The following USP48 variants were observed in gnomAD, a reference collection of about 807,000 sequenced individuals.
USP48 encodes ubiquitin carboxyl-terminal hydrolase 48.
Under a neutral mutation model 150.7 loss-of-function variants are expected in USP48, and 43 were observed. That is an observed-to-expected ratio of 0.29 (90% CI 0.22 to 0.37). The LOEUF is 0.37. Ranked by LOEUF, USP48 falls within the 10% of genes least tolerant of loss-of-function variation. The probability of loss-of-function intolerance (pLI) is 1.00; values close to 1 mark genes in which losing one functional copy is unlikely to be tolerated. For missense variants in USP48, 813 were observed against 1,249.6 expected (o/e 0.65, Z 5.27); for synonymous variants, 396 against 425.9 (o/e 0.93, Z 0.86).
intron 5 of USP48, 131 bp downstream of exon 5, chr1:21,752,396 A>G: frequency 9.2e-7 from 1 of 1,081,226 alleles, no homozygotes; most frequent in East Asian, 2.7e-5. Context: ...ATGGAAATGT[A>G]TTACTATAAA....
rs910587881 is a variant in USP48, at chr1:21,756,994, A to G, written c.256-292T>C. Reference sequence around the variant, plus strand: ...ATTAGAACAGTGGATTCTAGAAAAGATCGGTTTTGAACAAGCGTATATAGG... The same window carrying G: ...ATTAGAACAGTGGATTCTAGAAAAGGTCGGTTTTGAACAAGCGTATATAGG... On this transcript the variant is annotated intron_variant, in intron 2 of 26. Coordinates refer to ENST00000308271, the MANE Select transcript of USP48 (RefSeq NM_032236.8). The G allele has an allele frequency of 2.5e-5, 25 of 985,260 alleles. No homozygotes were observed. The Admixed American group carries it at 5.5e-4, about 22-fold the overall frequency. The allele number at this position is 985,260 out of a possible 1,614,324, so 61.0% of individuals were successfully genotyped here. A position where few individuals can be genotyped will look rare whatever the true frequency, so the allele number is the denominator to read the frequency against.
chr1:21,757,324 G>A (rs2097839154), intron 2 of USP48: 1 of 174,004 alleles, frequency 5.7e-6, no homozygotes, highest in East Asian at 1.5e-4. Context: ...AGAAAGCAAA[G>A]TGCTATCATC....
Position 21,679,593 on chromosome 1 carries a change from A to G in USP48, c.3086-154T>C, listed in dbSNP as rs1372199167. On this transcript the variant is annotated intron_variant, in intron 26 of 26. Transcript: ENST00000308271. ...GTGTGGGAGGATAAGACAAAATACC[A>G]GCAGACTCCAGGCTCTCCGCTAAAT... Among the ~76,000 whole-genome samples the G allele has an allele frequency of 4.6e-5, 7 of 152,236 alleles. No homozygotes were observed. The East Asian group carries it at 9.6e-4, about 21-fold the overall frequency.
Position 21,706,863 on chromosome 1 carries a change from A to C in USP48, c.1969T>G (p.Leu657Val), listed in dbSNP as rs1465901168. 1.3e-6 allele frequency: 2 copies of C among 1,597,836 alleles called. No individual in the cohort carries two copies. Among genetic ancestry groups the C allele is most frequent in the Non-Finnish European group, 1.7e-6 (2 of 1,174,934 alleles). The change falls in exon 16 of 27, where the codon TTA becomes GTA. Residue 657 changes from leucine to valine, a missense_variant. Coordinates refer to ENST00000308271, the MANE Select transcript of USP48 (RefSeq NM_032236.8). ...CTTCTTTCATTTTCAGATATGCATA[A>C]CTCACCTGAGTTTAAAAAAATATAT... ...NEDILCPHGE[L>V]CISENERRLV...
chr1:21,728,776 C>A (rs2152554009), intron 10 of USP48, 57 bp from the exon 11 acceptor site: 2 of 1,574,820 alleles, frequency 1.3e-6, no homozygotes, highest in South Asian at 1.1e-5. Context: ...ATATAGTGAA[C>A]CATGCTAATC....
At chr1:21,690,530 T>G (rs183252196) in intron 23 of USP48, among the ~76,000 whole-genome samples, 2,867 of 146,400 alleles carry the variant, frequency 0.02, 36 homozygotes, top group Middle Eastern at 0.048. Flanking sequence ...TTCTTTTTTT[T>G]TTGTTGTTGT....
At chr1:21,771,807 T>TA (rs57434646) in intron 1 of USP48, among the ~76,000 whole-genome samples, 149,445 of 151,910 alleles carry the variant, frequency 0.98, 73,544 homozygotes, top group Non-Finnish European at 1. Flanking sequence ...TAATCCCAGC[T>TA]GTCAGGGGGA....
chr1:21,740,342 C>A (rs950680269), intron 8 of USP48, among the ~76,000 whole-genome samples: 1 of 152,216 alleles, frequency 6.6e-6, no homozygotes, highest in South Asian at 2.1e-4. Context: ...ATATATACCA[C>A]ATTTTCTTTG....
chr1:21,702,275 G>T (rs891695779), intron 21 of USP48, among the ~76,000 whole-genome samples: 1 of 152,058 alleles, frequency 6.6e-6, no homozygotes, highest in African/African-American at 2.4e-5. Context: ...TAAAAAATGT[G>T]TTTGGAAACA....
At chr1:21,772,512 A>G (rs979465847) in intron 1 of USP48, among the ~76,000 whole-genome samples, 6 of 151,594 alleles carry the variant, frequency 4.0e-5, no homozygotes, top group Non-Finnish European at 5.9e-5. Context: ...AGTCCCAGCT[A>G]CTTGGGAGGC....
Position 21,687,025 on chromosome 1 carries a change from C to A in USP48, c.3058+166G>T. ...TTTCCAAGTTTTTGTAGATATCTTT[C>A]CCTCCTTTCTATGATCTTTTAAGAT... On this transcript the variant is annotated intron_variant, in intron 25 of 26. Transcript: ENST00000308271. The A allele has an allele frequency of 4.6e-6, 3 of 656,218 alleles. No homozygotes were observed. The East Asian group carries it at 8.6e-5, about 19-fold the overall frequency. The allele number at this position is 656,218 out of a possible 1,614,324, so 40.6% of individuals were successfully genotyped here. A position where few individuals can be genotyped will look rare whatever the true frequency, so the allele number is the denominator to read the frequency against.
At chr1:21,709,116 T>C (rs570407723) in intron 15 of USP48, among the ~76,000 whole-genome samples, 1 of 151,758 alleles carries the variant, frequency 6.6e-6, no homozygotes, top group African/African-American at 2.4e-5. Context: ...GAACTTCTGG[T>C]TTTAAGCAAC....
chr1:21,699,510 TTTTA>T (rs766573422), intron 22 of USP48, among the ~76,000 whole-genome samples: 7 of 147,502 alleles, frequency 4.7e-5, no homozygotes, highest in East Asian at 2.1e-4. Flanking sequence ...ATTTTTGTAT[TTTTA>T]TTTATTTATT....
chr1:21,743,384 A>C lies in USP48; in HGVS notation c.991+3683T>G, dbSNP rs539025123. ...CAAAGACATTGCAGGGTCTGGGAGG[A>C]ACAAAGTATGATAAGGTTGTTAACT... is the stretch of plus-strand genomic sequence containing the variant. On this transcript the variant is annotated intron_variant, in intron 8 of 26. Transcript: ENST00000308271. Among the ~76,000 whole-genome samples, 3 of 152,274 alleles carry C rather than the reference A, an allele frequency of 2.0e-5. No individual in the cohort carries two copies. In the East Asian group the frequency reaches 5.8e-4, roughly 29 times the overall value.
chr1:21,742,812 G>T (rs1429275981), intron 8 of USP48, among the ~76,000 whole-genome samples: 1 of 152,122 alleles, frequency 6.6e-6, no homozygotes, highest in East Asian at 1.9e-4. Flanking sequence ...GAGATGGCAT[G>T]TATCCTAGCC....
intron 4 of USP48, 43 bp downstream of exon 4, chr1:21,752,945 TTGGG>T: frequency 6.5e-7 from 1 of 1,536,638 alleles, no homozygotes; most frequent in East Asian, 2.4e-5. Context: ...CTTAGGATGT[TTGGG>T]TACCTCTGAA....
chr1:21,723,838 C>T, intron 12 of USP48, 60 bp downstream of exon 12: 1 of 1,451,222 alleles, frequency 6.9e-7, no homozygotes, highest in African/African-American at 1.4e-5. Flanking sequence ...CTCATAAAGA[C>T]CATAAGATGA....
chr1:21,711,046 G>GCTT (rs1377733930), intron 15 of USP48, among the ~76,000 whole-genome samples: 1 of 151,882 alleles, frequency 6.6e-6, no homozygotes, highest in Non-Finnish European at 1.5e-5. Context: ...TCAGCCTCTT[G>GCTT]AAGTGCTGAG....
chr1:21,697,870 T>G (rs2097641675), intron 22 of USP48, among the ~76,000 whole-genome samples: 1 of 152,142 alleles, frequency 6.6e-6, no homozygotes, highest in Non-Finnish European at 1.5e-5. Flanking sequence ...CTGGAATTAT[T>G]TCTTTCTTAA....
Sources: allele counts gnomAD v4.1 joint callset (sites outside exome capture counted in the v4.1 genomes callset), GRCh38; gene constraint gnomAD v4.1.1; transcripts MANE v1.5; gene names NCBI Gene and HGNC (gene_info 2026-07-23, HGNC 2026-07-21).